THADA: variants seen among roughly 807,000 people sequenced by gnomAD.
THADA encodes tRNA (32-2'-O)-methyltransferase regulator THADA.
Under a neutral mutation model 219.8 loss-of-function variants are expected in THADA, and 213 were observed. The ratio of observed to expected loss-of-function variants is 0.97; its 90% CI spans 0.87 to 1.09. The LOEUF (loss-of-function observed/expected upper bound fraction) is 1.09, where lower values mean the gene tolerates loss of function less well. Among genes scored for constraint, THADA ranks in the 50% least tolerant of loss-of-function variants. The pLI is 0.00. For synonymous variants in THADA, 1,018 were observed against 828.9 expected, an observed-to-expected ratio of 1.23 and a Z score of -3.92; for missense variants, 2,956 against 2,311.3, an observed-to-expected ratio of 1.28 and a Z score of -5.72.
At chr2:43,379,137 T>C (rs1188337849) in intron 29 of THADA, among the ~76,000 whole-genome samples, 1 of 152,104 alleles carries the variant, frequency 6.6e-6, no homozygotes, top group Admixed American at 6.6e-5. Flanking sequence ...TAGACAATAA[T>C]AATGTGGAAG....
chr2:43,240,285 G>A (rs762604437), intron 36 of THADA, among the ~76,000 whole-genome samples: 1 of 152,200 alleles, frequency 6.6e-6, no homozygotes, highest in Non-Finnish European at 1.5e-5. Context: ...GGCAGCGTCT[G>A]ACGGAGTGAG....
intron 21 of THADA, 108 bp downstream of exon 21, chr2:43,541,051 T>C (rs1695231002): frequency 4.4e-6 from 5 of 1,135,492 alleles, no homozygotes; most frequent in Non-Finnish European, 5.9e-6. Context: ...TTTGTATGAT[T>C]TTATTCAAGA....
At chr2:43,496,843 A>G (rs1573939817) in intron 25 of THADA, among the ~76,000 whole-genome samples, 1 of 152,190 alleles carries the variant, frequency 6.6e-6, no homozygotes, top group Non-Finnish European at 1.5e-5. Context: ...TAATTTATAC[A>G]TTATAATTCA....
intron 29 of THADA, among the ~76,000 whole-genome samples, chr2:43,353,524 A>G (rs1472103382): frequency 2.0e-5 from 3 of 152,170 alleles, no homozygotes; most frequent in Non-Finnish European, 4.4e-5. Context: ...TTCGTTGCCC[A>G]TTTTTAAATT....
At chr2:43,411,318 A>G (rs1676279356) in intron 28 of THADA, among the ~76,000 whole-genome samples, 2 of 152,212 alleles carry the variant, frequency 1.3e-5, no homozygotes, top group African/African-American at 4.8e-5. Flanking sequence ...ATAGAAGTGA[A>G]CAACAATAGC....
intron 29 of THADA, among the ~76,000 whole-genome samples, chr2:43,349,586 T>C (rs1668023227): frequency 6.6e-6 from 1 of 152,158 alleles, no homozygotes; most frequent in South Asian, 2.1e-4. Context: ...CAAGCATGGC[T>C]TCCAGGCAAT....
chr2:43,566,746 C>G lies in THADA; in HGVS notation c.2263G>C (p.Ala755Pro), dbSNP rs1394905972. The G allele has an allele frequency of 6.3e-7, 1 of 1,587,292 alleles. No homozygotes were observed. Among genetic ancestry groups the G allele is most frequent in the Non-Finnish European group, 8.5e-7 (1 of 1,171,704 alleles). The change falls in exon 15 of 38, where the codon GCT (alanine) becomes CCT (proline). Residue 755 changes from alanine (A) to proline (P), a missense_variant. By Grantham distance (27) the Ala-to-Pro change is conservative (BLOSUM62 -1). Coordinates refer to ENST00000405975, the MANE Select transcript of THADA (RefSeq NM_022065.5). ...PGSSYSTRFS[A>P]LTILGSIAEV... ...GCTATTGAACCTAAAATGGTTAAAG[C>G]TGAAAATCTAGTCGAGTAGGAAGAT...
At chr2:43,557,525 C>A (rs1460763537) in intron 16 of THADA, among the ~76,000 whole-genome samples, 3 of 152,188 alleles carry the variant, frequency 2.0e-5, no homozygotes, top group Admixed American at 1.3e-4. Flanking sequence ...ATCAATTCAG[C>A]CTCAGAAATT....
intron 29 of THADA, among the ~76,000 whole-genome samples, chr2:43,375,897 T>G (rs1026278947): frequency 6.6e-6 from 1 of 152,164 alleles, no homozygotes; most frequent in Non-Finnish European, 1.5e-5. Flanking sequence ...AGCACAAACA[T>G]GCAAAAGCAT....
At chr2:43,269,338 G>A (rs891368455) in intron 36 of THADA, among the ~76,000 whole-genome samples, 1 of 152,204 alleles carries the variant, frequency 6.6e-6, no homozygotes, top group Non-Finnish European at 1.5e-5. Flanking sequence ...TTCCTCGAAA[G>A]GAGCCTGTTG....
chr2:43,562,127 G>A (rs969020596), intron 15 of THADA: 2 of 152,124 alleles, frequency 1.3e-5, no homozygotes, highest in Non-Finnish European at 2.9e-5. Context: ...CTTTTAATAT[G>A]CTGTTGGATT....
chr2:43,290,448 T>G (rs1674562646), intron 34 of THADA, among the ~76,000 whole-genome samples: 1 of 152,142 alleles, frequency 6.6e-6, no homozygotes, highest in South Asian at 2.1e-4. Context: ...TGCTTGTTAA[T>G]TCTTACCCTT....
Position 43,586,384 on chromosome 2 carries a change from C to T in THADA, c.533+17G>A, listed in dbSNP as rs879181824. The T allele has an allele frequency of 5.1e-6, 8 of 1,562,298 alleles. No individual in the cohort carries two copies. The South Asian group carries it at 1.0e-4, about 19-fold the overall frequency. ...ACTGCAAGTGTGCACACACAAATGCCAACATATAGCACTTGCCTATTTTCT... is the reference window on the plus strand; with the variant it reads ...ACTGCAAGTGTGCACACACAAATGCTAACATATAGCACTTGCCTATTTTCT... On this transcript the variant is annotated intron_variant, in intron 7 of 37. Transcript: ENST00000405975.
At chr2:43,511,812 C>T (rs1212051993) in intron 22 of THADA, among the ~76,000 whole-genome samples, 5 of 152,090 alleles carry the variant, frequency 3.3e-5, no homozygotes, top group African/African-American at 7.2e-5. Context: ...AGGTATTAGG[C>T]GTACATGGGA....
At chr2:43,433,428 C>G (rs1284407066) in intron 26 of THADA, among the ~76,000 whole-genome samples, 3 of 151,888 alleles carry the variant, frequency 2.0e-5, no homozygotes, top group Non-Finnish European at 4.4e-5. Context: ...ACTCTGGAGG[C>G]TGAGGCAGGA....
At chr2:43,557,944 C>T (rs546952703) in intron 16 of THADA, among the ~76,000 whole-genome samples, 1 of 151,872 alleles carries the variant, frequency 6.6e-6, no homozygotes, top group Non-Finnish European at 1.5e-5. Flanking sequence ...TTTCTATGAC[C>T]TAAATAAAAA....
At chr2:43,498,077 A>C (rs2105058432) in intron 25 of THADA, among the ~76,000 whole-genome samples, 1 of 152,254 alleles carries the variant, frequency 6.6e-6, no homozygotes, top group Non-Finnish European at 1.5e-5. Context: ...ACAGCCCCCC[A>C]CCCCACACAG....
intron 30 of THADA, among the ~76,000 whole-genome samples, chr2:43,329,221 C>A (rs1460029707): frequency 1.3e-5 from 2 of 152,154 alleles, no homozygotes; most frequent in African/African-American, 4.8e-5. Context: ...AAAGTAGTAT[C>A]CAAGAAAACT....
intron 30 of THADA, chr2:43,343,259 C>G (rs527633136): frequency 6.2e-4 from 95 of 152,388 alleles, no homozygotes; most frequent in African/African-American, 2.0e-3. Context: ...TGTTCTTGAA[C>G]TCCTGGGCTC....
Sources: allele counts gnomAD v4.1 joint callset (sites outside exome capture counted in the v4.1 genomes callset), GRCh38; gene constraint gnomAD v4.1.1; transcripts MANE v1.5; gene names NCBI Gene and HGNC (gene_info 2026-07-23, HGNC 2026-07-21).